Variants in WDPCP observed in about 807,000 individuals in gnomAD.
The protein encoded by WDPCP is WD repeat-containing and planar cell polarity effector protein fritz homolog.
WDPCP carries 71 observed loss-of-function variants against 93.1 expected under a neutral mutation model. The observed-to-expected ratio is 0.76, with a 90% CI of 0.63 to 0.93. The LOEUF (loss-of-function observed/expected upper bound fraction) is 0.93. Ranked by LOEUF, WDPCP falls within the 40% of genes least tolerant of loss-of-function variation. WDPCP has a pLI of 0.00. For missense variants in WDPCP, 844 were observed against 887.4 expected, an observed-to-expected ratio of 0.95 and a Z score of 0.62; for synonymous variants, 315 against 315.0, an observed-to-expected ratio of 1.00 and a Z score of 0.00.
chr2:63,615,968 C>A (rs1006481048), intron 3 of WDPCP, among the ~76,000 whole-genome samples: 69 of 152,270 alleles, frequency 4.5e-4, no homozygotes, highest in African/African-American at 1.6e-3. Context: ...TGAGCTGGGG[C>A]ATTTCCAGAA....
chr2:63,280,122 G>A (rs962266815), intron 13 of WDPCP, among the ~76,000 whole-genome samples: 3 of 152,036 alleles, frequency 2.0e-5, no homozygotes, highest in Non-Finnish European at 4.4e-5. Flanking sequence ...AACAATCCTA[G>A]AATTCATACG....
At chr2:63,777,350 T>C (rs1411562868) in intron 2 of WDPCP, among the ~76,000 whole-genome samples, 1 of 152,224 alleles carries the variant, frequency 6.6e-6, no homozygotes, top group Non-Finnish European at 1.5e-5. Context: ...TGGAACTCTC[T>C]GCAGCTGATA....
intron 2 of WDPCP, among the ~76,000 whole-genome samples, chr2:63,661,765 A>G (rs1489319498): frequency 6.6e-6 from 1 of 152,224 alleles, no homozygotes; most frequent in African/African-American, 2.4e-5. Context: ...AATACAGGGT[A>G]ATTGAATATT....
chr2:63,666,854 C>T (rs923354849), intron 2 of WDPCP, among the ~76,000 whole-genome samples: 2 of 152,152 alleles, frequency 1.3e-5, no homozygotes, highest in Non-Finnish European at 2.9e-5. Context: ...GCTGGAGAAT[C>T]AAGGAAATCA....
chr2:63,437,911 T>C (rs775506541), intron 7 of WDPCP: 3 of 1,587,332 alleles, frequency 1.9e-6, no homozygotes, highest in East Asian at 2.3e-5. Context: ...AAGAGTTTAA[T>C]CCTATGTTTA....
chr2:63,358,208 C>T (rs1690167002), intron 12 of WDPCP, among the ~76,000 whole-genome samples: 1 of 151,844 alleles, frequency 6.6e-6, no homozygotes, highest in Non-Finnish European at 1.5e-5. Context: ...TGTAACAAAC[C>T]TTCACATGTA....
At chr2:63,139,231 C>T (rs1670881634) in intron 17 of WDPCP, among the ~76,000 whole-genome samples, 2 of 151,972 alleles carry the variant, frequency 1.3e-5, no homozygotes, top group African/African-American at 4.8e-5. Flanking sequence ...TGATGATGGG[C>T]ATTTGGGTTG....
At position 63,122,198 on chromosome 2, in the gene WDPCP, G is replaced by A. The variant is rs1439082610; in HGVS notation, c.2191-142C>T. ...AAATGTACTGCACATAGATACATAA[G>A]ATAACTGTATACTTACCTGACTTGG... On this transcript the variant is annotated intron_variant, in intron 17 of 17. Transcript: ENST00000272321. 6 of 682,594 alleles carry A rather than the reference G, an allele frequency of 8.8e-6. No individual in the cohort carries two copies. In the Admixed American group the frequency reaches 1.1e-4, roughly 13 times the overall value. The allele number at this position is 682,594 out of a possible 1,614,324, so 42.3% of individuals were successfully genotyped here. A position where few individuals can be genotyped will look rare whatever the true frequency, so the allele number is the denominator to read the frequency against.
In WDPCP at chr2:63,404,245, A is replaced by C. The variant is rs952405240; in HGVS notation, c.1238T>G (p.Ile413Ser). The change falls in exon 10 of 18, where the codon ATC (isoleucine) becomes AGC (serine). Residue 413 changes from isoleucine (I) to serine (S), a missense_variant. Coordinates refer to ENST00000272321, the MANE Select transcript of WDPCP (RefSeq NM_015910.7). Reference protein sequence around the residue: ...IFDMALSPINIQLLAEDRLPR... With the variant: ...IFDMALSPINSQLLAEDRLPR... ...TAAGCGGTCTTCAGCCAACAGTTGG[A>C]TGTTAATAGGGGATAGAGCCATATC... The C allele has an allele frequency of 6.2e-7, 1 of 1,613,650 alleles. No homozygotes were observed. Among genetic ancestry groups the C allele is most frequent in the Middle Eastern group, 1.7e-4 (1 of 6,060 alleles).
chr2:63,252,003 A>G (rs1486998149), intron 14 of WDPCP, among the ~76,000 whole-genome samples: 3 of 152,166 alleles, frequency 2.0e-5, no homozygotes, highest in Non-Finnish European at 4.4e-5. Flanking sequence ...CCACAGGCCA[A>G]TATGCCTGAT....
intron 15 of WDPCP, among the ~76,000 whole-genome samples, chr2:63,161,087 C>T (rs550001179): frequency 4.6e-5 from 7 of 152,248 alleles, no homozygotes; most frequent in East Asian, 1.9e-4. Flanking sequence ...GCTTGATGTA[C>T]GTTGAACCAT....
intron 1 of WDPCP, among the ~76,000 whole-genome samples, chr2:63,561,691 C>G (rs1027090053): frequency 3.3e-5 from 5 of 151,904 alleles, no homozygotes; most frequent in Non-Finnish European, 7.4e-5. Flanking sequence ...AAAAACAACC[C>G]CACTAAGAAG....
At chr2:63,803,769 C>T (rs1670726612) in intron 2 of WDPCP, among the ~76,000 whole-genome samples, 3 of 152,102 alleles carry the variant, frequency 2.0e-5, no homozygotes, top group Non-Finnish European at 4.4e-5. Flanking sequence ...TTTCACTCAC[C>T]ATGTATGAAC....
chr2:63,474,934 G>A (rs993119902), intron 6 of WDPCP, among the ~76,000 whole-genome samples: 5 of 152,042 alleles, frequency 3.3e-5, no homozygotes, highest in African/African-American at 1.2e-4. Context: ...AATACTGAGT[G>A]GCTGAATTAG....
chr2:63,263,638 G>T (rs1681844567), intron 13 of WDPCP, among the ~76,000 whole-genome samples: 3 of 152,156 alleles, frequency 2.0e-5, no homozygotes, highest in Admixed American at 1.3e-4. Context: ...AACGGATTAA[G>T]ACAACAAATG....
At chr2:63,838,582 A>G in the WDPCP span, among the ~76,000 whole-genome samples, 3 of 141,642 alleles carry the variant, frequency 2.1e-5, no homozygotes, top group East Asian at 6.2e-4. Flanking sequence ...CCCCCACCCC[A>G]GGTTTCTGCA....
chr2:63,793,870 TTGTGTGTGTGTGTGTGTG>T (rs35714297), intron 2 of WDPCP, among the ~76,000 whole-genome samples: 2 of 145,268 alleles, frequency 1.4e-5, no homozygotes, highest in Non-Finnish European at 1.5e-5. Flanking sequence ...AGTACTTACA[TTGTGTGTGTGTGTGTGTG>T]TGTGTGTGTG....
At chr2:63,581,842 G>A (rs1256172824) in intron 1 of WDPCP, among the ~76,000 whole-genome samples, 2 of 151,816 alleles carry the variant, frequency 1.3e-5, no homozygotes, top group Non-Finnish European at 2.9e-5. Context: ...CCCTGTATCT[G>A]CAAAAAACTA....
intron 2 of WDPCP, among the ~76,000 whole-genome samples, chr2:63,789,373 C>T (rs2103996462): frequency 6.6e-6 from 1 of 152,234 alleles, no homozygotes; most frequent in South Asian, 2.1e-4. Flanking sequence ...CTGGGTCTGC[C>T]TTTGCCCAGT....
Sources: gnomAD v4.1 joint callset for allele counts (sites outside exome capture counted in the v4.1 genomes callset) on GRCh38, gnomAD v4.1.1 for gene constraint, MANE v1.5 for transcripts, NCBI Gene and HGNC (gene_info 2026-07-23, HGNC 2026-07-21) for gene names.